Variants in PCDHGA7 observed in about 807,000 individuals in gnomAD.
PCDHGA7 encodes the protein protocadherin gamma subfamily A, 7.
Under a neutral mutation model 58.3 loss-of-function variants are expected in PCDHGA7, and 44 were observed. The ratio of observed to expected loss-of-function variants is 0.75; its 90% CI spans 0.59 to 0.97. The LOEUF is 0.97. Ranked by LOEUF, PCDHGA7 falls within the 50% of genes least tolerant of loss-of-function variation. PCDHGA7 has a pLI of 0.00. For synonymous variants in PCDHGA7, 516 were observed against 504.2 expected, an observed-to-expected ratio of 1.02 and a Z score of -0.31; for missense variants, 1,266 against 1,188.7, an observed-to-expected ratio of 1.06 and a Z score of -0.96.
chr5:141,403,490 C>T, intron 1 of PCDHGA7: 1 of 1,614,044 alleles, frequency 6.2e-7, no homozygotes, highest in South Asian at 1.1e-5. Flanking sequence ...CCACTTCTCC[C>T]TGAACGTGCA....
chr5:141,434,547 A>G (rs1277148299), intron 1 of PCDHGA7, among the ~76,000 whole-genome samples: 1 of 152,232 alleles, frequency 6.6e-6, no homozygotes, highest in East Asian at 1.9e-4. Context: ...AGCATGAGTG[A>G]TCTGTGCCTT....
intron 1 of PCDHGA7, chr5:141,403,625 A>G (rs2094436092): frequency 6.2e-7 from 1 of 1,613,818 alleles, no homozygotes; most frequent in African/African-American, 1.3e-5. Context: ...TCGCTCCAGC[A>G]CAGTGCGCAT....
At chr5:141,399,991 G>T (rs1226741326) in intron 1 of PCDHGA7, 3 of 1,612,304 alleles carry the variant, frequency 1.9e-6, no homozygotes, top group Admixed American at 3.3e-5. Context: ...CACAGGAGAG[G>T]TGCGCACAGC....
At chr5:141,475,329 A>G (rs1229101617) in intron 1 of PCDHGA7, among the ~76,000 whole-genome samples, 1 of 152,266 alleles carries the variant, frequency 6.6e-6, no homozygotes, top group Non-Finnish European at 1.5e-5. Context: ...AATGAGAGCT[A>G]ACAATGACAT....
rs558074504 is a variant in PCDHGA7 at position 141,489,065 on chromosome 5, C to A, written c.2425-5742C>A. ...CCACTCAAATTCAGCTCCCCTCCCCCCTGCCCACCCCCGCCACTCGGTGAC... is the reference window on the plus strand; with the variant it reads ...CCACTCAAATTCAGCTCCCCTCCCCACTGCCCACCCCCGCCACTCGGTGAC... On this transcript the variant is annotated intron_variant, in intron 1 of 3. Transcript: ENST00000518325. The surrounding 1 kb of genome is among the most constrained non-coding windows in gnomAD (Gnocchi z 4.5). 1,377 of 389,040 alleles carry A rather than the reference C, an allele frequency of 3.5e-3. 31 individuals carry two copies. Among genetic ancestry groups the A allele is most frequent in the Admixed American group, 9.8e-3 (226 of 22,946 alleles). 24.1% of individuals were successfully genotyped at this position (389,040 alleles called of 1,614,324 possible).
intron 1 of PCDHGA7, chr5:141,398,072 G>T: frequency 1.9e-6 from 3 of 1,588,646 alleles, no homozygotes; most frequent in Non-Finnish European, 2.6e-6. Context: ...CAATACAGAG[G>T]TTATTTGTAA....
At chr5:141,417,626 T>A (rs1156653216) in intron 1 of PCDHGA7, 3 of 689,458 alleles carry the variant, frequency 4.4e-6, no homozygotes, top group Non-Finnish European at 6.8e-6. Context: ...GAGCAAGCGC[T>A]GACGCCGGGG....
intron 1 of PCDHGA7, among the ~76,000 whole-genome samples, chr5:141,448,086 T>TA (rs558292628): frequency 0.011 from 1,579 of 146,268 alleles, 11 homozygotes; most frequent in Non-Finnish European, 0.016. Context: ...AATGCCATCT[T>TA]AAAAAAAAAA....
chr5:141,486,722 G>C lies in PCDHGA7; in HGVS notation c.2425-8085G>C, dbSNP rs1235454839. The C allele has an allele frequency of 6.2e-7, 1 of 1,614,200 alleles. No homozygotes were observed. Among genetic ancestry groups the C allele is most frequent in the East Asian group, 2.2e-5 (1 of 44,874 alleles). ...CTCTCTGAACCCCCAGACAGGAGCT[G>C]TTCATGCTACTCGATCCTTTGACTA... On this transcript the variant is annotated intron_variant, in intron 1 of 3. Transcript: ENST00000518325. This position sits in a 1 kb window ranked among gnomAD's most constrained non-coding sequence, Gnocchi z 5.0.
In PCDHGA7 at chr5:141,487,218, C is replaced by G. The variant is rs2099641338; in HGVS notation, c.2425-7589C>G. The stretch of plus-strand genomic sequence containing the variant: ...CCAGATCTTCGAGAATCTTCAGCTC[C>G]AAGGGAAGGAGAATCTCGTCTAACC... On this transcript the variant is annotated intron_variant, in intron 1 of 3. Transcript: ENST00000518325. The surrounding 1 kb of genome is among the most constrained non-coding windows in gnomAD (Gnocchi z 5.0). 1 of 1,613,820 alleles carries G rather than the reference C, an allele frequency of 6.2e-7. No homozygotes were observed. The highest frequency in any genetic ancestry group is 1.1e-5 in the South Asian group (1 of 91,078).
chr5:141,411,868 A>AG (rs1463496640), intron 1 of PCDHGA7: 1 of 152,224 alleles, frequency 6.6e-6, no homozygotes, highest in East Asian at 1.9e-4. Flanking sequence ...TCAAAAAAAA[A>AG]AGACATTTCT....
chr5:141,446,558 T>G (rs1413501675), intron 1 of PCDHGA7, among the ~76,000 whole-genome samples: 3 of 151,788 alleles, frequency 2.0e-5, no homozygotes, highest in Non-Finnish European at 1.5e-5. Flanking sequence ...CTCACTGCAA[T>G]CTCTGCCTCC....
chr5:141,439,150 G>A (rs971023726), intron 1 of PCDHGA7, among the ~76,000 whole-genome samples: 7 of 149,122 alleles, frequency 4.7e-5, no homozygotes, highest in South Asian at 2.1e-4. Flanking sequence ...CTGAGATCAC[G>A]CCACTGCACT....
rs752360983 is a variant in PCDHGA7 at position 141,384,202 on chromosome 5, G to A, written c.1303G>A (p.Glu435Lys). Residue 435 changes from glutamate to lysine, a missense_variant, in exon 1 of 4, where the codon GAA becomes AAA. Physicochemically the swap from Glu to Lys is moderately conservative, Grantham distance 56 (BLOSUM62 1). Transcript: ENST00000518325. ...TGGTGGAACTCCTCCCTTGTCCAGGGAAACTCACATATTCATGCAGGTGGC... is the reference window on the plus strand; with the variant it reads ...TGGTGGAACTCCTCCCTTGTCCAGGAAAACTCACATATTCATGCAGGTGGC... The part of the protein sequence containing the change: ...TDGGTPPLSR[E>K]THIFMQVADT... The A allele has an allele frequency of 5.6e-6, 9 of 1,613,734 alleles. No individual in the cohort carries two copies. Among genetic ancestry groups the A allele is most frequent in the Non-Finnish European group, 6.8e-6 (8 of 1,179,896 alleles).
intron 1 of PCDHGA7, among the ~76,000 whole-genome samples, chr5:141,494,392 A>C (rs1296077484): frequency 1.3e-5 from 2 of 152,258 alleles, no homozygotes; most frequent in East Asian, 3.9e-4. Flanking sequence ...GAGTTGAATA[A>C]ATTCATTCTA....
rs533857281 is a variant in PCDHGA7 at position 141,429,742 on chromosome 5, T to C, written c.2424+44419T>C. Among the ~76,000 whole-genome samples the C allele has an allele frequency of 3.8e-4, 58 of 152,336 alleles. 1 individual carries two copies. Among genetic ancestry groups the C allele is most frequent in the Admixed American group, 2.0e-4 (3 of 15,302 alleles). Reference sequence around the variant, plus strand: ...ATGAAAGTACGTAGCCAGTTATTTCTTAGGGAGAATTTTTTCCCTATATTT... The same window carrying C: ...ATGAAAGTACGTAGCCAGTTATTTCCTAGGGAGAATTTTTTCCCTATATTT... On this transcript the variant is annotated intron_variant, in intron 1 of 3. Transcript: ENST00000518325.
Position 141,388,205 on chromosome 5 carries a change from G to T in PCDHGA7, c.2424+2882G>T, listed in dbSNP as rs2091277297. 6.3e-7 allele frequency: 1 copy of T among 1,578,264 alleles called. No homozygotes were observed. ...AGCCAGCTTGTGCTCTGGAATTTGA[G>T]GCTGTTGCTGAAAATCCACTGAACT... On this transcript the variant is annotated intron_variant, in intron 1 of 3. Transcript: ENST00000518325.
At chr5:141,399,375 C>A (rs548275013) in intron 1 of PCDHGA7, 2 of 1,614,016 alleles carry the variant, frequency 1.2e-6, no homozygotes, top group Non-Finnish European at 1.7e-6. Context: ...AGTACAATGT[C>A]ACCATCACAG....
At chr5:141,478,603 A>C (rs116528962) in intron 1 of PCDHGA7, 173 of 1,563,096 alleles carry the variant, frequency 1.1e-4, no homozygotes, top group Non-Finnish European at 1.4e-4. Context: ...CCTACATCAT[A>C]TTGAGGAAGG....
Sources: gnomAD v4.1 joint callset for allele counts (sites outside exome capture counted in the v4.1 genomes callset) on GRCh38, gnomAD v4.1.1 for gene constraint, Gnocchi (gnomAD v3.1) non-coding constraint, MANE v1.5 for transcripts, NCBI Gene and HGNC (gene_info 2026-07-23, HGNC 2026-07-21) for gene names.